Variants in ISG20 observed in about 807,000 individuals in gnomAD.
The protein encoded by ISG20 is interferon-stimulated gene 20 kDa protein.
Under a neutral mutation model 11.1 loss-of-function variants are expected in ISG20, and 8 were observed. The ratio of observed to expected loss-of-function variants is 0.72; its 90% confidence interval spans 0.42 to 1.30. The LOEUF is 1.30. Ranked by LOEUF, ISG20 falls within the 50% of genes most tolerant of loss-of-function variation. The pLI is 0.01. For missense variants in ISG20, 243 were observed against 250.2 expected (o/e 0.97, Z 0.19); for synonymous variants, 110 against 101.7 (o/e 1.08, Z -0.49).
intron 2 of ISG20, chr15:88,647,830 C>T (rs1406779488): frequency 6.6e-6 from 1 of 152,274 alleles, no homozygotes; most frequent in African/African-American, 2.4e-5. Context: ...GGCACAGATG[C>T]AGACAGAAGG....
rs181123832 is a variant in ISG20 at position 88,639,507 on chromosome 15, A to T, written c.141A>T (p.Gly47=). ...VLYDKFIRPE[G]EITDYRTRVS... is the part of the protein sequence containing the mutation. ...ACGACAAGTTCATCCGGCCTGAGGG[A>T]GAGATCACCGATTACAGAACCCGGG... Residue 47 remains glycine (G), a synonymous_variant, in exon 2 of 4, where the codon GGA becomes GGT. Transcript: ENST00000306072. This position sits in a 1 kb window ranked among gnomAD's most constrained non-coding sequence, Gnocchi z 4.2. The T allele has an allele frequency of 3.7e-6, 6 of 1,614,096 alleles. No individual in the cohort carries two copies. The East Asian group carries it at 1.3e-4, about 36-fold the overall frequency.
At chr15:88,636,394 GA>G (rs1168480626), upstream of ISG20, 1 of 152,236 alleles carries the variant, frequency 6.6e-6, no homozygotes, top group Non-Finnish European at 1.5e-5. Context: ...CAATACACTT[GA>G]AAAACAGTTC....
At position 88,655,357 on chromosome 15, in the gene ISG20, C is replaced by A. The variant is rs574544237; in HGVS notation, c.430-58C>A. On this transcript the variant is annotated intron_variant, in intron 3 of 3. Coordinates refer to ENST00000306072, the MANE Select transcript of ISG20 (RefSeq NM_002201.6). ...GGGATGTGACCAGGGAAGACCCTGT[C>A]ACGGGGCCTCTGAATTCAGCCTCAT... 26 of 1,490,398 alleles carry A rather than the reference C, an allele frequency of 1.7e-5. No homozygotes were observed. In the African/African-American group the frequency reaches 2.8e-4, roughly 16 times the overall value. 92.3% of individuals were successfully genotyped at this position (1,490,398 alleles called of 1,614,324 possible).
upstream of ISG20, among the ~76,000 whole-genome samples, chr15:88,636,002 G>A (rs368990821): frequency 2.6e-4 from 39 of 152,358 alleles, no homozygotes; most frequent in African/African-American, 9.4e-4. Flanking sequence ...CATTTTAGGC[G>A]TACATGCCCA....
chr15:88,654,806 C>G (rs576887321), intron 3 of ISG20, among the ~76,000 whole-genome samples: 2 of 152,176 alleles, frequency 1.3e-5, no homozygotes, highest in African/African-American at 4.8e-5. Context: ...GACCGAGGGC[C>G]CCCGACTCCC....
intron 2 of ISG20, among the ~76,000 whole-genome samples, chr15:88,640,360 C>G (rs533019078): frequency 8.5e-5 from 13 of 152,288 alleles, no homozygotes; most frequent in African/African-American, 3.1e-4. Context: ...GAAATGACAA[C>G]AATAGCTACT....
At chr15:88,644,847 C>T (rs1309742289) in intron 2 of ISG20, among the ~76,000 whole-genome samples, 2 of 152,022 alleles carry the variant, frequency 1.3e-5, no homozygotes, top group Admixed American at 6.6e-5. Flanking sequence ...ATCAGACAGA[C>T]AGAAAGGGGC....
At chr15:88,647,236 C>CCCA (rs1491399386) in intron 2 of ISG20, 14 of 127,216 alleles carry the variant, frequency 1.1e-4, no homozygotes, top group African/African-American at 5.5e-4. Flanking sequence ...GTGAGTGGGA[C>CCCA]CCCCCCCCCA....
rs2058258382 is a variant in ISG20, at chr15:88,650,667, C to T, written c.229-1443C>T. 3.2e-6 allele frequency: 1 copy of T among 308,372 alleles called. No individual in the cohort carries two copies. The highest frequency in any genetic ancestry group is 3.1e-5 in the South Asian group (1 of 32,076). 19.1% of individuals were successfully genotyped at this position (308,372 alleles called of 1,614,324 possible). A position where few individuals can be genotyped will look rare whatever the true frequency, so the allele number is the denominator to read the frequency against. ...TGGAACCATTGGAAGGTTTGCTCAC[C>T]CACCTGTCTGGTGGCTGGTGCTGGC... On this transcript the variant is annotated intron_variant, in intron 2 of 3. Coordinates refer to ENST00000306072, the MANE Select transcript of ISG20 (RefSeq NM_002201.6). The surrounding 1 kb of genome is among the most constrained non-coding windows in gnomAD (Gnocchi z 4.0).
In ISG20 at chr15:88,655,471, TC is replaced by T; in HGVS notation, c.487del (p.Gln163LysfsTer30). Reference sequence around the variant, plus strand: ...ATGCGAGGGCAACGATGGAGCTCTATCAAATCTCCCAGAGAATCCGAGCCCG... The same window carrying T: ...ATGCGAGGGCAACGATGGAGCTCTATAAATCTCCCAGAGAATCCGAGCCCG... ...EDARATMELY[Q>X]ISQRIRARRG... On this transcript the variant is annotated frameshift_variant, in exon 4 of 4. Transcript: ENST00000306072. LOFTEE classifies it low-confidence loss of function (END_TRUNC). 1 of 1,613,960 alleles carries T rather than the reference TC, an allele frequency of 6.2e-7. No homozygotes were observed. The highest frequency in any genetic ancestry group is 8.5e-7 in the Non-Finnish European group (1 of 1,180,012).
Position 88,639,332 on chromosome 15 carries a change from C to T in ISG20, c.-24-11C>T, listed in dbSNP as rs1567112652. ...CAAGCGTGAGACCGCCCCCCATACCCCTCTCTCCAGCATCTCTGAGGGTCC... is the reference window on the plus strand; with the variant it reads ...CAAGCGTGAGACCGCCCCCCATACCTCTCTCTCCAGCATCTCTGAGGGTCC... On this transcript the variant is annotated splice_polypyrimidine_tract_variant and intron_variant, in intron 1 of 3. Transcript: ENST00000306072. This position sits in a 1 kb window ranked among gnomAD's most constrained non-coding sequence, Gnocchi z 4.2. 3.3e-6 allele frequency: 5 copies of T among 1,537,222 alleles called. No homozygotes were observed. In the Admixed American group the frequency reaches 7.4e-5, roughly 23 times the overall value.
Position 88,650,491 on chromosome 15 carries a change from T to G in ISG20, c.229-1619T>G. 7.1e-7 allele frequency: 1 copy of G among 1,412,058 alleles called. No homozygotes were observed. The allele number at this position is 1,412,058 out of a possible 1,614,324, so 87.5% of individuals were successfully genotyped here. On this transcript the variant is annotated intron_variant, in intron 2 of 3. Coordinates refer to ENST00000306072, the MANE Select transcript of ISG20 (RefSeq NM_002201.6). The surrounding 1 kb of genome is among the most constrained non-coding windows in gnomAD (Gnocchi z 4.0). ...CTTTGCCACTAACTAGCCGTGTGAC[T>G]GTCCCAGTTATCAAATGGTGCTTGG...
At position 88,652,311 on chromosome 15, in the gene ISG20, G is replaced by A. The variant is rs1396817876; in HGVS notation, c.429+1G>A. ...GCGCCTCCTACACAAGAGCATCCAG[G>A]TGAGAACCTCCTCGTCCTTCTCCTC... On this transcript the variant is annotated splice_donor_variant, in intron 3 of 3. Transcript: ENST00000306072. LOFTEE classifies it high-confidence loss of function. 1.9e-6 allele frequency: 3 copies of A among 1,609,488 alleles called. No individual in the cohort carries two copies. The highest frequency in any genetic ancestry group is 2.5e-6 in the Non-Finnish European group (3 of 1,177,518).
In ISG20 at chr15:88,650,904, C is replaced by T. The variant is rs937591621; in HGVS notation, c.229-1206C>T. ...TCTCCTGCCTCAGCCTCCCGAGTAA[C>T]TGGGAATAGCCACGGCGCATGGGTA... On this transcript the variant is annotated intron_variant, in intron 2 of 3. Transcript: ENST00000306072. This position sits in a 1 kb window ranked among gnomAD's most constrained non-coding sequence, Gnocchi z 4.0. 1 of 152,786 alleles carries T rather than the reference C, an allele frequency of 6.5e-6. No homozygotes were observed. The highest frequency in any genetic ancestry group is 2.4e-5 in the African/African-American group (1 of 41,412). The allele number at this position is 152,786 out of a possible 1,614,324, so 9.5% of individuals were successfully genotyped here.
At chr15:88,655,290 A>C in intron 3 of ISG20, 125 bp from the exon 4 acceptor site, 1 of 818,212 alleles carries the variant, frequency 1.2e-6, no homozygotes, top group Non-Finnish European at 2.1e-6. Context: ...AGAGACCTCA[A>C]GAGACTCTCA....
At chr15:88,652,341 C>G in intron 3 of ISG20, 31 bp downstream of exon 3, 2 of 1,190,704 alleles carry the variant, frequency 1.7e-6, no homozygotes, top group Non-Finnish European at 2.3e-6. Context: ...CTCCTCCTCC[C>G]CCCTCCTCCC....
Position 88,639,323 on chromosome 15 carries a change from C to T in ISG20, c.-24-20C>T, listed in dbSNP as rs1458567839. On this transcript the variant is annotated intron_variant, in intron 1 of 3. Transcript: ENST00000306072. The surrounding 1 kb of genome is among the most constrained non-coding windows in gnomAD (Gnocchi z 4.2). ...TGGTTTGCCCAAGCGTGAGACCGCC[C>T]CCCATACCCCTCTCTCCAGCATCTC... 1.3e-6 allele frequency: 2 copies of T among 1,489,712 alleles called. No homozygotes were observed. The highest frequency in any genetic ancestry group is 2.0e-5 in the Admixed American group (1 of 50,950). 92.3% of individuals were successfully genotyped at this position (1,489,712 alleles called of 1,614,324 possible).
chr15:88,645,867 A>G (rs1188219783), intron 2 of ISG20, among the ~76,000 whole-genome samples: 1 of 152,092 alleles, frequency 6.6e-6, no homozygotes, highest in Non-Finnish European at 1.5e-5. Flanking sequence ...CCATCTGTCT[A>G]TTTCCACAGC....
chr15:88,650,420 A>G lies in ISG20; in HGVS notation c.229-1690A>G. ...GTTCACTCTTCTGGCTCAGTGTGGCAGTGGCAGGCGGGCTCTGGATTCATC... is the reference window on the plus strand; with the variant it reads ...GTTCACTCTTCTGGCTCAGTGTGGCGGTGGCAGGCGGGCTCTGGATTCATC... On this transcript the variant is annotated intron_variant, in intron 2 of 3. Coordinates refer to ENST00000306072, the MANE Select transcript of ISG20 (RefSeq NM_002201.6). The surrounding 1 kb of genome is among the most constrained non-coding windows in gnomAD (Gnocchi z 4.0). The G allele has an allele frequency of 2.7e-6, 4 of 1,500,380 alleles. No homozygotes were observed. Among genetic ancestry groups the G allele is most frequent in the Non-Finnish European group, 3.5e-6 (4 of 1,128,150 alleles). The allele number at this position is 1,500,380 out of a possible 1,614,324, so 92.9% of individuals were successfully genotyped here. A position where few individuals can be genotyped will look rare whatever the true frequency, so the allele number is the denominator to read the frequency against.
Sources: gnomAD v4.1 joint callset for allele counts (sites outside exome capture counted in the v4.1 genomes callset) on GRCh38, gnomAD v4.1.1 for gene constraint, Gnocchi (gnomAD v3.1) non-coding constraint, MANE v1.5 for transcripts, NCBI Gene and HGNC (gene_info 2026-07-23, HGNC 2026-07-21) for gene names.